The following NCK2 variants were observed in gnomAD, a reference collection of about 807,000 sequenced individuals.
The protein encoded by NCK2 is NCK adaptor protein 2.
A neutral mutation model predicts 33.9 loss-of-function variants in NCK2; 16 were observed. The observed-to-expected ratio is 0.47, with a 90% CI of 0.32 to 0.72. The LOEUF (loss-of-function observed/expected upper bound fraction) is 0.72, where lower values mean the gene tolerates loss of function less well. NCK2 is among the 30% of genes least tolerant of loss of function. The pLI is 0.03. For synonymous variants in NCK2, 273 were observed against 239.9 expected (o/e 1.14, Z -1.27); for missense variants, 418 against 537.3 (o/e 0.78, Z 2.19).
intron 4 of NCK2, among the ~76,000 whole-genome samples, chr2:105,883,804 CCTTTT>C (rs1182167826): frequency 6.6e-6 from 1 of 152,168 alleles, no homozygotes; most frequent in Non-Finnish European, 1.5e-5. Flanking sequence ...GTTTGTATTT[CCTTTT>C]AACAGTTTTT....
intron 4 of NCK2, among the ~76,000 whole-genome samples, chr2:105,888,224 A>G (rs894583701): frequency 6.6e-6 from 1 of 152,204 alleles, no homozygotes; most frequent in Non-Finnish European, 1.5e-5. Context: ...GGGTTGTACT[A>G]ATTGTTCATT....
chr2:105,809,787 T>C (rs983466378), intron 1 of NCK2, among the ~76,000 whole-genome samples: 10 of 152,044 alleles, frequency 6.6e-5, no homozygotes, highest in African/African-American at 2.4e-4. Flanking sequence ...AGCGTTTAAC[T>C]GTCCATGGAG....
At chr2:105,844,076 C>G (rs1182410127) in intron 2 of NCK2, among the ~76,000 whole-genome samples, 1 of 152,140 alleles carries the variant, frequency 6.6e-6, no homozygotes, top group East Asian at 1.9e-4. Flanking sequence ...GAGCACTGAT[C>G]AGGTATTTTG....
At chr2:105,843,796 A>G (rs1245282344) in intron 2 of NCK2, among the ~76,000 whole-genome samples, 1 of 152,242 alleles carries the variant, frequency 6.6e-6, no homozygotes, top group Admixed American at 6.5e-5. Context: ...AGGTTTCCAG[A>G]TAATTCATGT....
intron 1 of NCK2, among the ~76,000 whole-genome samples, chr2:105,812,088 A>T (rs1675311933): frequency 6.6e-6 from 1 of 152,190 alleles, no homozygotes; most frequent in South Asian, 2.1e-4. Context: ...ACCAGCATTA[A>T]TATATGGAAT....
At chr2:105,818,283 T>G (rs374774441) in intron 2 of NCK2, among the ~76,000 whole-genome samples, 5 of 63,362 alleles carry the variant, frequency 7.9e-5, no homozygotes, top group South Asian at 9.8e-4. Flanking sequence ...TGTTTTGGGG[T>G]GGGGGGAGGG....
At chr2:105,870,905 G>A (rs774938993) in intron 3 of NCK2, among the ~76,000 whole-genome samples, 5 of 152,078 alleles carry the variant, frequency 3.3e-5, no homozygotes, top group African/African-American at 9.7e-5. Flanking sequence ...ACTGACATAC[G>A]GGTGTGTGAG....
At chr2:105,755,930 ACTC>A (rs1484495889) in intron 1 of NCK2, among the ~76,000 whole-genome samples, 4 of 152,342 alleles carry the variant, frequency 2.6e-5, no homozygotes, top group East Asian at 1.9e-4. Context: ...TCTAAAATAA[ACTC>A]CTCAGGGGAG....
intron 3 of NCK2, among the ~76,000 whole-genome samples, chr2:105,877,816 T>C (rs1169425600): frequency 6.6e-6 from 1 of 152,260 alleles, no homozygotes; most frequent in Non-Finnish European, 1.5e-5. Flanking sequence ...GGGAGTACAG[T>C]CTGTGCCACA....
In NCK2 at chr2:105,748,062, A is replaced by G. The variant is rs1378174903; in HGVS notation, c.-201+2924A>G. Among the ~76,000 whole-genome samples the G allele has an allele frequency of 9.8e-5, 15 of 152,326 alleles. No homozygotes were observed. The East Asian group carries it at 2.5e-3, about 25-fold the overall frequency. Reference sequence around the variant, plus strand: ...CCTCTGCCCAGTGACACACATCCACATGTGTACTGGCACATACATTCCTAC... The same window carrying G: ...CCTCTGCCCAGTGACACACATCCACGTGTGTACTGGCACATACATTCCTAC... On this transcript the variant is annotated intron_variant, in intron 1 of 4. Coordinates refer to ENST00000233154, the MANE Select transcript of NCK2 (RefSeq NM_003581.5).
At chr2:105,869,085 A>C (rs1470435498) in intron 3 of NCK2, among the ~76,000 whole-genome samples, 2 of 152,174 alleles carry the variant, frequency 1.3e-5, no homozygotes, top group African/African-American at 4.8e-5. Flanking sequence ...TACCTGGGAA[A>C]CGGGGCTCCT....
chr2:105,819,345 G>T (rs944455973), intron 2 of NCK2, among the ~76,000 whole-genome samples: 6 of 142,532 alleles, frequency 4.2e-5, no homozygotes, highest in Non-Finnish European at 7.7e-5. Context: ...AAAAAAAAAA[G>T]TCATTGGGGT....
rs115672278 is a variant in NCK2 at position 105,882,074 on chromosome 2, C to T, written c.948+25C>T. On this transcript the variant is annotated intron_variant, in intron 4 of 4. Transcript: ENST00000233154. Reference sequence around the variant, plus strand: ...GGTAAGTGCGCTGCGCCCACAGCTCCGGCTGCAGGCAGTAAATGCGCCTTG... The same window carrying T: ...GGTAAGTGCGCTGCGCCCACAGCTCTGGCTGCAGGCAGTAAATGCGCCTTG... The T allele has an allele frequency of 7.5e-3, 11,023 of 1,478,630 alleles. 49 individuals carry two copies. The highest frequency in any genetic ancestry group is 8.9e-3 in the Non-Finnish European group (9,890 of 1,114,704). The allele number at this position is 1,478,630 out of a possible 1,614,324, so 91.6% of individuals were successfully genotyped here. A position where few individuals can be genotyped will look rare whatever the true frequency, so the allele number is the denominator to read the frequency against.
intron 4 of NCK2, among the ~76,000 whole-genome samples, chr2:105,889,674 C>T (rs1678892137): frequency 6.6e-6 from 1 of 151,610 alleles, no homozygotes; most frequent in South Asian, 2.1e-4. Context: ...GCCTTGACCT[C>T]CCGGGCTCAA....
At chr2:105,853,787 G>GAGTT (rs1224247532) in intron 2 of NCK2, 1 of 152,232 alleles carries the variant, frequency 6.6e-6, no homozygotes, top group Non-Finnish European at 1.5e-5. Flanking sequence ...CAAAATAAGG[G>GAGTT]AGTTGGTGGG....
At chr2:105,835,389 A>G (rs12712219) in intron 2 of NCK2, among the ~76,000 whole-genome samples, 237 of 14,886 alleles carry the variant, frequency 0.016, 1 homozygote, top group Admixed American at 0.022. Flanking sequence ...ATATATACAC[A>G]TATATATATA....
chr2:105,863,467 A>G (rs1677626810), intron 3 of NCK2, among the ~76,000 whole-genome samples: 1 of 152,168 alleles, frequency 6.6e-6, no homozygotes, highest in Admixed American at 6.5e-5. Context: ...GGATGCAGAC[A>G]CGATGCAGCA....
At chr2:105,861,310 C>T (rs1041827839) in intron 3 of NCK2, among the ~76,000 whole-genome samples, 1 of 152,044 alleles carries the variant, frequency 6.6e-6, no homozygotes, top group South Asian at 2.1e-4. Context: ...AGATCATGCA[C>T]GATCTTTAAA....
chr2:105,859,433 G>T (rs1429818288), intron 3 of NCK2, among the ~76,000 whole-genome samples: 3 of 152,128 alleles, frequency 2.0e-5, no homozygotes, highest in African/African-American at 7.2e-5. Context: ...CTGCCCCAGG[G>T]CTCACTCCTC....
Sources: gnomAD v4.1 joint callset for allele counts (sites outside exome capture counted in the v4.1 genomes callset) on GRCh38, gnomAD v4.1.1 for gene constraint, MANE v1.5 for transcripts, NCBI Gene and HGNC (gene_info 2026-07-23, HGNC 2026-07-21) for gene names.